The following EYS variants were observed in gnomAD, a reference collection of about 807,000 sequenced individuals.
EYS encodes protein eyes shut homolog.
A neutral mutation model predicts 282.1 loss-of-function variants in EYS; 250 were observed. The observed-to-expected ratio is 0.89, with a 90% confidence interval of 0.80 to 0.98. EYS has a LOEUF of 0.98. EYS is among the 50% of genes least tolerant of loss of function. The probability of loss-of-function intolerance (pLI) is 0.00; values close to 1 mark genes in which losing one functional copy is unlikely to be tolerated. For missense variants in EYS, 4,016 were observed against 3,709.0 expected, an observed-to-expected ratio of 1.08 and a Z score of -2.15; for synonymous variants, 1,355 against 1,282.9, an observed-to-expected ratio of 1.06 and a Z score of -1.20.
chr6:63,941,743 G>A (rs530379939), intron 35 of EYS, among the ~76,000 whole-genome samples: 2 of 152,210 alleles, frequency 1.3e-5, no homozygotes, highest in South Asian at 2.1e-4. Context: ...GTTTATGATC[G>A]GGACTCCCCT....
chr6:65,149,235 C>T (rs1319496904), intron 12 of EYS, among the ~76,000 whole-genome samples: 1 of 152,082 alleles, frequency 6.6e-6, no homozygotes, highest in Admixed American at 6.6e-5. Flanking sequence ...GCTCTGCTTC[C>T]TCTTGAGCAC....
intron 1 of EYS, among the ~76,000 whole-genome samples, chr6:65,648,910 T>C (rs7765481): frequency 1 from 151,288 of 151,982 alleles, 75,302 homozygotes; most frequent in East Asian, 1. Context: ...TTTGGGAGGC[T>C]GAGGAGAAGG....
At chr6:64,736,808 G>A (rs1772198158) in intron 22 of EYS, among the ~76,000 whole-genome samples, 2 of 152,090 alleles carry the variant, frequency 1.3e-5, no homozygotes, top group South Asian at 4.1e-4. Context: ...TCAGATAAGG[G>A]AAGCTTACTA....
intron 22 of EYS, among the ~76,000 whole-genome samples, chr6:64,630,205 C>T (rs1000515736): frequency 6.6e-6 from 1 of 152,100 alleles, no homozygotes; most frequent in Non-Finnish European, 1.5e-5. Context: ...AAGTGATTCC[C>T]CTCCCTCAGC....
chr6:64,748,823 A>C (rs1469677859), intron 22 of EYS, among the ~76,000 whole-genome samples: 1 of 152,196 alleles, frequency 6.6e-6, no homozygotes, highest in Non-Finnish European at 1.5e-5. Flanking sequence ...CCCAGGCTGG[A>C]GTGCAGTGGC....
intron 12 of EYS, among the ~76,000 whole-genome samples, chr6:65,208,404 A>C (rs979578219): frequency 2.0e-5 from 3 of 151,874 alleles, no homozygotes; most frequent in Admixed American, 6.6e-5. Context: ...GATGTATCAA[A>C]GAACTAAAAC....
intron 41 of EYS, among the ~76,000 whole-genome samples, chr6:63,739,152 A>C (rs1040787284): frequency 4.0e-5 from 6 of 151,486 alleles, no homozygotes; most frequent in African/African-American, 1.2e-4. Flanking sequence ...TGTTTTGTTT[A>C]TCAAATTCTC....
At chr6:65,566,047 T>C (rs954709585) in intron 2 of EYS, among the ~76,000 whole-genome samples, 2 of 151,474 alleles carry the variant, frequency 1.3e-5, no homozygotes, top group Non-Finnish European at 2.9e-5. Flanking sequence ...TGTATACCTA[T>C]GTAACAAACC....
intron 4 of EYS, among the ~76,000 whole-genome samples, 173 bp from the exon 5 acceptor site, chr6:65,490,880 T>C (rs572013312): frequency 1.6e-4 from 25 of 152,144 alleles, no homozygotes; most frequent in Non-Finnish European, 2.9e-4. Flanking sequence ...TTTTGATACT[T>C]TACATAAGTT....
rs1006553112 is a variant in EYS, at chr6:64,900,173, G to A, written c.2846+1940C>T. On this transcript the variant is annotated intron_variant, in intron 18 of 42. Coordinates refer to ENST00000503581, the MANE Select transcript of EYS (RefSeq NM_001142800.2). ...TAAATAGTGTTGGGAAAACTGGTTA[G>A]CCATATGCAGAACTCTGAAAATGGA... 3.9e-5 allele frequency among the ~76,000 whole-genome samples: 6 copies of A among 152,278 alleles called. No homozygotes were observed. The South Asian group carries it at 1.2e-3, about 32-fold the overall frequency.
chr6:65,005,793 C>G (rs112406356), intron 13 of EYS, among the ~76,000 whole-genome samples: 1 of 151,960 alleles, frequency 6.6e-6, no homozygotes, highest in Non-Finnish European at 1.5e-5. Context: ...CCCGAACTCC[C>G]GGCAGTAGCC....
At chr6:65,041,442 G>A (rs977695289) in intron 13 of EYS, among the ~76,000 whole-genome samples, 4 of 151,560 alleles carry the variant, frequency 2.6e-5, no homozygotes, top group Non-Finnish European at 4.4e-5. Context: ...TTAACAAAGG[G>A]TTTAAAAACC....
chr6:63,762,307 G>A (rs76215454), intron 41 of EYS, among the ~76,000 whole-genome samples, 154 bp downstream of exon 41: 29 of 152,026 alleles, frequency 1.9e-4, no homozygotes, highest in African/African-American at 7.0e-4. Context: ...TAGTCTATCT[G>A]TGAAGTATAA....
chr6:64,663,742 A>C (rs1388861182), intron 22 of EYS, among the ~76,000 whole-genome samples: 1 of 152,180 alleles, frequency 6.6e-6, no homozygotes, highest in African/African-American at 2.4e-5. Context: ...TACTGTTAGC[A>C]GCGGGTCTTT....
intron 2 of EYS, among the ~76,000 whole-genome samples, chr6:65,604,377 C>T (rs919288471): frequency 6.6e-6 from 1 of 151,760 alleles, no homozygotes; most frequent in African/African-American, 2.4e-5. Flanking sequence ...AGACTCAAAA[C>T]CCAGAATACA....
intron 31 of EYS, among the ~76,000 whole-genome samples, chr6:64,096,915 T>G (rs1208291903): frequency 6.6e-6 from 1 of 152,218 alleles, no homozygotes; most frequent in Non-Finnish European, 1.5e-5. Context: ...GATGGTGACG[T>G]ACAGATGGGG....
At chr6:64,636,715 T>G (rs1767993784) in intron 22 of EYS, among the ~76,000 whole-genome samples, 1 of 151,860 alleles carries the variant, frequency 6.6e-6, no homozygotes, top group Non-Finnish European at 1.5e-5. Context: ...ATATCCAGAA[T>G]CTACAATGAA....
At chr6:64,673,228 A>G (rs1030972961) in intron 22 of EYS, among the ~76,000 whole-genome samples, 7 of 152,088 alleles carry the variant, frequency 4.6e-5, no homozygotes, top group Non-Finnish European at 8.8e-5. Flanking sequence ...CACTCCTCAC[A>G]TAGAGAAACA....
chr6:65,413,939 A>G (rs1288278767), intron 5 of EYS, among the ~76,000 whole-genome samples: 2 of 152,088 alleles, frequency 1.3e-5, no homozygotes, highest in Non-Finnish European at 2.9e-5. Context: ...TTCTAAAATA[A>G]TATATTATAT....
Sources: gnomAD v4.1 joint callset for allele counts (sites outside exome capture counted in the v4.1 genomes callset) on GRCh38, gnomAD v4.1.1 for gene constraint, MANE v1.5 for transcripts, NCBI Gene and HGNC (gene_info 2026-07-23, HGNC 2026-07-21) for gene names.